CNTN5: variants seen among roughly 807,000 people sequenced by gnomAD.
The protein encoded by CNTN5 is contactin 5, also known as contactin-5.
A neutral mutation model predicts 129.1 loss-of-function variants in CNTN5; 77 were observed. The ratio of observed to expected loss-of-function variants is 0.60; its 90% confidence interval spans 0.50 to 0.72. The LOEUF is 0.72. CNTN5 is among the 30% of genes least tolerant of loss of function. The probability of loss-of-function intolerance (pLI) is 0.00; values close to 1 mark genes in which losing one functional copy is unlikely to be tolerated. For synonymous variants in CNTN5, 509 were observed against 465.6 expected (o/e 1.09, Z -1.20); for missense variants, 1,478 against 1,328.8 (o/e 1.11, Z -1.75).
chr11:99,625,499 A>C (rs1056328979), intron 3 of CNTN5, among the ~76,000 whole-genome samples: 6 of 152,164 alleles, frequency 3.9e-5, no homozygotes, highest in African/African-American at 9.6e-5. Flanking sequence ...TGTGAGATTC[A>C]ATACAGAAAA....
At chr11:99,288,536 C>T (rs960939608) in intron 1 of CNTN5, among the ~76,000 whole-genome samples, 5 of 151,820 alleles carry the variant, frequency 3.3e-5, no homozygotes, top group Admixed American at 6.6e-5. Context: ...GTGTCAATTT[C>T]AAGATACATA....
chr11:99,235,718 TG>T (rs1421072885), intron 1 of CNTN5, among the ~76,000 whole-genome samples: 1 of 152,190 alleles, frequency 6.6e-6, no homozygotes, highest in Non-Finnish European at 1.5e-5. Flanking sequence ...TTCTTTTCCT[TG>T]GAATTATATT....
rs911608148 is a variant in CNTN5, at chr11:100,269,539, G to T, written c.2165-1553G>T. ...AAAAAAGGGCTGGTTCTTTTTCTCC[G>T]TGATATCTTAAGAGGTCCACCCCTT... On this transcript the variant is annotated intron_variant, in intron 17 of 24. Transcript: ENST00000524871. 3.9e-5 allele frequency among the ~76,000 whole-genome samples: 6 copies of T among 152,104 alleles called. No homozygotes were observed. In the South Asian group the frequency reaches 8.3e-4, roughly 21 times the overall value.
chr11:100,221,176 G>T (rs945625273), intron 15 of CNTN5, among the ~76,000 whole-genome samples: 13 of 152,120 alleles, frequency 8.5e-5, no homozygotes, highest in African/African-American at 2.9e-4. Context: ...TCCAGGAAAA[G>T]AAAAAAGAAA....
At chr11:99,548,618 A>G (rs1948377820) in intron 2 of CNTN5, among the ~76,000 whole-genome samples, 2 of 152,198 alleles carry the variant, frequency 1.3e-5, no homozygotes, top group Admixed American at 1.3e-4. Context: ...TCCTCCGGCT[A>G]ATGGATTCCT....
chr11:100,263,647 G>T (rs1950247735), intron 17 of CNTN5, among the ~76,000 whole-genome samples: 1 of 152,138 alleles, frequency 6.6e-6, no homozygotes, highest in African/African-American at 2.4e-5. Context: ...AGGTATGGTA[G>T]TTAATTCAGG....
chr11:100,288,996 C>T (rs1329914164), intron 18 of CNTN5, among the ~76,000 whole-genome samples: 3 of 152,298 alleles, frequency 2.0e-5, no homozygotes, highest in East Asian at 3.9e-4. Context: ...CGCAAATAAA[C>T]TAGAAAATCT....
At chr11:99,702,158 G>A (rs1397688482) in intron 3 of CNTN5, among the ~76,000 whole-genome samples, 1 of 150,996 alleles carries the variant, frequency 6.6e-6, no homozygotes, top group Non-Finnish European at 1.5e-5. Flanking sequence ...AATGCAGGTG[G>A]AATAAATCTA....
At position 99,955,178 on chromosome 11, in the gene CNTN5, TA is replaced by T. The variant is rs575850112; in HGVS notation, c.674-1622del. On this transcript the variant is annotated intron_variant, in intron 7 of 24. Transcript: ENST00000524871. ...TAAATTATCTAAAATAAATATATAT[TA>T]AAAAATATATGAATTATGTGTGAAT... 6.0e-3 allele frequency among the ~76,000 whole-genome samples: 911 copies of T among 150,948 alleles called. 9 individuals are homozygous for T. The highest frequency in any genetic ancestry group is 0.021 in the African/African-American group (884 of 41,452).
chr11:99,134,547 G>A (rs972696436), intron 1 of CNTN5, among the ~76,000 whole-genome samples: 4 of 152,062 alleles, frequency 2.6e-5, no homozygotes, highest in African/African-American at 7.2e-5. Context: ...ATAAACATAG[G>A]TTGCTTTAAT....
intron 13 of CNTN5, among the ~76,000 whole-genome samples, chr11:100,101,335 G>A (rs1409973038): frequency 6.6e-6 from 1 of 152,086 alleles, no homozygotes; most frequent in Non-Finnish European, 1.5e-5. Flanking sequence ...TGAGAATGGG[G>A]AGGAAGGTAA....
chr11:100,025,134 C>T (rs983224294), intron 9 of CNTN5, among the ~76,000 whole-genome samples: 3 of 152,168 alleles, frequency 2.0e-5, no homozygotes, highest in Admixed American at 2.0e-4. Flanking sequence ...TGGGCTGGGC[C>T]CAGAGCCATG....
chr11:100,308,421 G>A lies in CNTN5; in HGVS notation c.2683G>A (p.Ala895Thr). The change falls in exon 21 of 25, where the codon GCA becomes ACA. Residue 895 changes from alanine to threonine, a missense_variant. Coordinates refer to ENST00000524871, the MANE Select transcript of CNTN5 (RefSeq NM_014361.4). ...TGTGTCTGTGTCAGAGATTCTTGTT[G>A]CATGGAAACACATTAAAGAGAGTCT... ...TSVSVSEILV[A>T]WKHIKESLGR... 1 of 1,610,974 alleles carries A rather than the reference G, an allele frequency of 6.2e-7. No homozygotes were observed. Among genetic ancestry groups the A allele is most frequent in the Non-Finnish European group, 8.5e-7 (1 of 1,177,914 alleles).
At chr11:99,596,796 A>G (rs1950140333) in intron 3 of CNTN5, among the ~76,000 whole-genome samples, 1 of 152,214 alleles carries the variant, frequency 6.6e-6, no homozygotes, top group African/African-American at 2.4e-5. Context: ...ATAAAACTAA[A>G]GATGTCCATC....
intron 9 of CNTN5, among the ~76,000 whole-genome samples, chr11:100,041,004 T>G (rs1942347946): frequency 2.6e-5 from 4 of 152,104 alleles, no homozygotes; most frequent in Admixed American, 2.6e-4. Flanking sequence ...TCTCTGGCAC[T>G]CCCCAGTGAG....
chr11:99,528,880 A>G (rs1381855742), intron 2 of CNTN5, among the ~76,000 whole-genome samples: 1 of 147,878 alleles, frequency 6.8e-6, no homozygotes, highest in East Asian at 2.0e-4. Flanking sequence ...CCTGACCAAC[A>G]TGGAGAAACC....
chr11:100,185,814 G>A (rs1374965485), intron 13 of CNTN5, among the ~76,000 whole-genome samples: 3 of 152,120 alleles, frequency 2.0e-5, no homozygotes, highest in Admixed American at 6.6e-5. Flanking sequence ...ACGGTGAGAA[G>A]GCAGCAATCT....
At chr11:100,085,754 G>A (rs979424372) in intron 13 of CNTN5, among the ~76,000 whole-genome samples, 2 of 151,990 alleles carry the variant, frequency 1.3e-5, no homozygotes, top group East Asian at 1.9e-4. Context: ...ACACACACTC[G>A]TAACAAGTAA....
chr11:99,346,334 CA>C (rs1234763496), intron 2 of CNTN5, among the ~76,000 whole-genome samples: 1 of 151,290 alleles, frequency 6.6e-6, no homozygotes, highest in African/African-American at 2.4e-5. Flanking sequence ...AATGTATTTT[CA>C]AAAGTGTCTA....
Sources: gnomAD v4.1 joint callset for allele counts (sites outside exome capture counted in the v4.1 genomes callset) on GRCh38, gnomAD v4.1.1 for gene constraint, MANE v1.5 for transcripts, NCBI Gene and HGNC (gene_info 2026-07-23, HGNC 2026-07-21) for gene names.